The following THSD4 variants were observed in gnomAD, a reference collection of about 807,000 sequenced individuals.
THSD4 encodes thrombospondin type 1 domain containing 4.
THSD4 carries 69 observed loss-of-function variants against 119.0 expected under a neutral mutation model. That is an observed-to-expected ratio of 0.58 (90% CI 0.48 to 0.71). The LOEUF is 0.71. Ranked by LOEUF, THSD4 falls within the 30% of genes least tolerant of loss-of-function variation. THSD4 has a pLI of 0.00. For synonymous variants in THSD4, 524 were observed against 540.4 expected, an observed-to-expected ratio of 0.97 and a Z score of 0.42; for missense variants, 1,393 against 1,391.1, an observed-to-expected ratio of 1.00 and a Z score of -0.02.
chr15:71,739,874 G>T (rs1308941969), intron 11 of THSD4, among the ~76,000 whole-genome samples: 2 of 149,704 alleles, frequency 1.3e-5, no homozygotes, highest in Non-Finnish European at 3.0e-5. Flanking sequence ...TTTGATACTG[G>T]TATCTAAGAG....
At chr15:71,771,508 A>G (rs189549549) in intron 17 of THSD4, among the ~76,000 whole-genome samples, 2 of 152,282 alleles carry the variant, frequency 1.3e-5, no homozygotes, top group East Asian at 3.9e-4. Flanking sequence ...TAAAATGTCA[A>G]CTTTTAATTG....
rs905402318 is a variant in THSD4 at position 71,783,220 on chromosome 15, G to A, written c.*5846G>A. 3 of 152,334 alleles carry A rather than the reference G, an allele frequency of 2.0e-5. No homozygotes were observed. The highest frequency in any genetic ancestry group is 7.2e-5 in the African/African-American group (3 of 41,560). 9.4% of individuals were successfully genotyped at this position (152,334 alleles called of 1,614,324 possible). On this transcript the variant is annotated 3_prime_UTR_variant, in exon 18 of 18. Transcript: ENST00000261862. ...CTCTTCAGCAAAAATGACTATTTTTGTGTGTGACTAATTTATTTTTATTAT... is the reference window on the plus strand; with the variant it reads ...CTCTTCAGCAAAAATGACTATTTTTATGTGTGACTAATTTATTTTTATTAT...
chr15:71,208,488 CT>C (rs202145768), intron 3 of THSD4, among the ~76,000 whole-genome samples: 1 of 146,690 alleles, frequency 6.8e-6, no homozygotes, highest in Admixed American at 7.1e-5. Context: ...GTTTCTTTTT[CT>C]TTTTTTCTCT....
intron 1 of THSD4, among the ~76,000 whole-genome samples, chr15:71,127,687 A>G (rs189825474): frequency 1.8e-3 from 277 of 152,308 alleles, no homozygotes; most frequent in African/African-American, 6.2e-3. Context: ...ATCTTTTTAT[A>G]TACCTGTGGG....
chr15:71,600,201 C>T (rs528235082), intron 7 of THSD4, among the ~76,000 whole-genome samples: 6 of 151,342 alleles, frequency 4.0e-5, no homozygotes, highest in African/African-American at 1.2e-4. Context: ...ACTCAGAAAG[C>T]TCTGTATTTC....
At chr15:71,743,956 G>A (rs778440866) in intron 11 of THSD4, among the ~76,000 whole-genome samples, 1 of 152,214 alleles carries the variant, frequency 6.6e-6, no homozygotes, top group Non-Finnish European at 1.5e-5. Context: ...GTAGAATAAA[G>A]TATAGTGTTC....
intron 7 of THSD4, among the ~76,000 whole-genome samples, chr15:71,565,665 G>A (rs2049222839): frequency 6.6e-6 from 1 of 152,160 alleles, no homozygotes; most frequent in Non-Finnish European, 1.5e-5. Context: ...TTCTGCTCCA[G>A]GGACTCTCTT....
chr15:71,324,072 A>G (rs1351291263), intron 6 of THSD4, among the ~76,000 whole-genome samples: 2 of 152,126 alleles, frequency 1.3e-5, no homozygotes, highest in African/African-American at 4.8e-5. Context: ...TACTGCTCCC[A>G]TAGGAGCCTT....
rs113790191 is a variant in THSD4, at chr15:71,585,370, T to G, written c.1153-75160T>G. 5.0e-3 allele frequency among the ~76,000 whole-genome samples: 766 copies of G among 152,348 alleles called. 7 individuals are homozygous for G. Among genetic ancestry groups the G allele is most frequent in the African/African-American group, 0.017 (713 of 41,588 alleles). ...TATTCTTGGTTGACAGGGTTGGTTG[T>G]TTGTTCCTTTCGGCACTCTGAATAT... On this transcript the variant is annotated intron_variant, in intron 7 of 17. Transcript: ENST00000261862.
chr15:71,122,982 G>T (rs2040420720), intron 1 of THSD4, among the ~76,000 whole-genome samples: 1 of 152,186 alleles, frequency 6.6e-6, no homozygotes, highest in Admixed American at 6.5e-5. Context: ...CAGACAAGGG[G>T]GACCCAGAAA....
At chr15:71,253,949 G>A (rs2044286980) in intron 5 of THSD4, among the ~76,000 whole-genome samples, 1 of 152,156 alleles carries the variant, frequency 6.6e-6, no homozygotes, top group Non-Finnish European at 1.5e-5. Flanking sequence ...CAAGTACTGA[G>A]CAATTCTAGA....
At chr15:71,674,271 C>G (rs1473919107) in intron 8 of THSD4, among the ~76,000 whole-genome samples, 1 of 152,152 alleles carries the variant, frequency 6.6e-6, no homozygotes, top group Non-Finnish European at 1.5e-5. Context: ...CCAGCTCTGC[C>G]CATTGAAATT....
intron 8 of THSD4, among the ~76,000 whole-genome samples, chr15:71,715,190 CATTT>C (rs2141099953): frequency 6.6e-6 from 1 of 152,314 alleles, no homozygotes. Flanking sequence ...AGTTTGGGTT[CATTT>C]GTGTCTCTAC....
chr15:71,189,097 C>T (rs902739356), intron 3 of THSD4: 5 of 152,238 alleles, frequency 3.3e-5, no homozygotes, highest in Admixed American at 2.0e-4. Flanking sequence ...GCTCTTACTC[C>T]GTGGTTGCCA....
chr15:71,627,838 G>T (rs2050538562), intron 7 of THSD4, among the ~76,000 whole-genome samples: 1 of 152,114 alleles, frequency 6.6e-6, no homozygotes, highest in South Asian at 2.1e-4. Flanking sequence ...GCATCTCCTG[G>T]GTCAAGGCAG....
intron 3 of THSD4, among the ~76,000 whole-genome samples, chr15:71,209,271 A>G (rs932177056): frequency 6.6e-6 from 1 of 152,166 alleles, no homozygotes; most frequent in African/African-American, 2.4e-5. Flanking sequence ...CATTTCATCT[A>G]CCAAGTAATA....
intron 7 of THSD4, among the ~76,000 whole-genome samples, chr15:71,524,569 C>T (rs1341117686): frequency 6.8e-6 from 1 of 147,564 alleles, no homozygotes; most frequent in Non-Finnish European, 1.5e-5. Flanking sequence ...AGCTAAGAGC[C>T]CTTCTTGGTT....
At chr15:71,188,045 C>G (rs1355291680) in intron 3 of THSD4, among the ~76,000 whole-genome samples, 1 of 152,164 alleles carries the variant, frequency 6.6e-6, no homozygotes, top group African/African-American at 2.4e-5. Context: ...CAAAAGTGAT[C>G]CTGATTAGAC....
At chr15:71,139,247 A>T (rs2040579432) in intron 1 of THSD4, among the ~76,000 whole-genome samples, 1 of 152,184 alleles carries the variant, frequency 6.6e-6, no homozygotes, top group Non-Finnish European at 1.5e-5. Context: ...GTTCTGGATA[A>T]TAACACCATC....
Sources: gnomAD v4.1 joint callset for allele counts (sites outside exome capture counted in the v4.1 genomes callset) on GRCh38, gnomAD v4.1.1 for gene constraint, MANE v1.5 for transcripts, NCBI Gene and HGNC (gene_info 2026-07-23, HGNC 2026-07-21) for gene names.